Variants in BLTP3A observed in about 807,000 individuals in gnomAD.
BLTP3A encodes bridge-like lipid transfer protein family member 3A.
the BLTP3A span, among the ~76,000 whole-genome samples, chr6:34,792,987 A>G: frequency 2.6e-5 from 4 of 152,122 alleles, no homozygotes; most frequent in Non-Finnish European, 4.4e-5. Context: ...TTTTCATTAC[A>G]TAGCCTAATT....
the BLTP3A span, among the ~76,000 whole-genome samples, chr6:34,847,650 T>C: frequency 6.6e-6 from 1 of 151,986 alleles, no homozygotes; most frequent in Non-Finnish European, 1.5e-5. Context: ...TCTCCTTTTT[T>C]GTCTCTGATT....
chr6:34,823,316 A>T, the BLTP3A span: 8 of 1,614,060 alleles, frequency 5.0e-6, no homozygotes, highest in Non-Finnish European at 6.8e-6. Context: ...CCCCCAATGG[A>T]CAGTCTCCCA....
the BLTP3A span, chr6:34,857,025 A>G: frequency 6.9e-7 from 1 of 1,445,478 alleles, no homozygotes; most frequent in Non-Finnish European, 9.4e-7. Context: ...TTTGGGGACT[A>G]TTTACCTCAC....
At chr6:34,831,827 T>A in the BLTP3A span, among the ~76,000 whole-genome samples, 1 of 152,314 alleles carries the variant, frequency 6.6e-6, no homozygotes, top group Admixed American at 6.5e-5. Context: ...TCATTTTCTT[T>A]TCTTTTGAGA....
chr6:34,793,975 A>G, the BLTP3A span, among the ~76,000 whole-genome samples: 1 of 152,128 alleles, frequency 6.6e-6, no homozygotes, highest in African/African-American at 2.4e-5. Flanking sequence ...AGCCCAGCCA[A>G]CATGATGAAA....
At chr6:34,873,046 A>G in the BLTP3A span, 1 of 152,282 alleles carries the variant, frequency 6.6e-6, no homozygotes, top group African/African-American at 2.4e-5. Context: ...AATTTGGCTG[A>G]TAACACAATC....
the BLTP3A span, among the ~76,000 whole-genome samples, chr6:34,796,282 A>G: frequency 6.6e-6 from 1 of 152,184 alleles, no homozygotes; most frequent in Non-Finnish European, 1.5e-5. Flanking sequence ...TCTTGTTGGA[A>G]TGCACCCTCC....
At chr6:34,869,612 T>C in the BLTP3A span, among the ~76,000 whole-genome samples, 2 of 150,938 alleles carry the variant, frequency 1.3e-5, no homozygotes, top group Admixed American at 6.6e-5. Flanking sequence ...TTTTCATTAC[T>C]ATATAATGTT....
chr6:34,830,148 G>A, the BLTP3A span, among the ~76,000 whole-genome samples: 1 of 152,016 alleles, frequency 6.6e-6, no homozygotes, highest in African/African-American at 2.4e-5. Context: ...AGCGAGACAG[G>A]GTTTTGCCAT....
At chr6:34,817,623 T>G in the BLTP3A span, among the ~76,000 whole-genome samples, 1 of 152,166 alleles carries the variant, frequency 6.6e-6, no homozygotes, top group East Asian at 1.9e-4. Flanking sequence ...GGGAGTGACA[T>G]GAATGGGCCC....
the BLTP3A span, among the ~76,000 whole-genome samples, chr6:34,819,568 G>T: frequency 6.6e-6 from 1 of 152,116 alleles, no homozygotes. Context: ...AGCAGGGGTG[G>T]TTATATTATG....
At chr6:34,869,158 C>T in the BLTP3A span, among the ~76,000 whole-genome samples, 4 of 151,978 alleles carry the variant, frequency 2.6e-5, no homozygotes, top group East Asian at 1.9e-4. Context: ...CACACCACCA[C>T]GCCCAGCTTA....
the BLTP3A span, among the ~76,000 whole-genome samples, chr6:34,820,814 A>ATTTTTTT: frequency 3.5e-4 from 36 of 102,798 alleles, 2 homozygotes; most frequent in African/African-American, 1.4e-3. Context: ...ACCATGCCTA[A>ATTTTTTT]TTTTTTTTTT....
the BLTP3A span, among the ~76,000 whole-genome samples, chr6:34,812,400 C>T: frequency 6.6e-6 from 1 of 151,078 alleles, no homozygotes; most frequent in Non-Finnish European, 1.5e-5. Context: ...GTTAAAAAAC[C>T]CAACATTGTA....
chr6:34,813,754 A>G, the BLTP3A span, among the ~76,000 whole-genome samples: 3 of 152,216 alleles, frequency 2.0e-5, no homozygotes, highest in Admixed American at 2.0e-4. Flanking sequence ...ATCTGGTTGC[A>G]GTTTGTGAAT....
chr6:34,824,528 A>G, the BLTP3A span, among the ~76,000 whole-genome samples: 242 of 145,182 alleles, frequency 1.7e-3, 1 homozygote, highest in African/African-American at 5.9e-3. Context: ...ATTGCACTCC[A>G]GCTTGGGCAA....
chr6:34,816,734 G>A, the BLTP3A span, among the ~76,000 whole-genome samples: 536 of 152,270 alleles, frequency 3.5e-3, 4 homozygotes, highest in Non-Finnish European at 3.5e-3. Flanking sequence ...CCTTGACAGT[G>A]GCTCACTTCT....
At chr6:34,805,031 C>T in the BLTP3A span, among the ~76,000 whole-genome samples, 1 of 152,136 alleles carries the variant, frequency 6.6e-6, no homozygotes, top group African/African-American at 2.4e-5. Flanking sequence ...CAGTGGCTCA[C>T]ACCTGTAATC....
the BLTP3A span, among the ~76,000 whole-genome samples, chr6:34,795,126 T>A: frequency 2.2e-5 from 3 of 137,422 alleles, no homozygotes; most frequent in African/African-American, 8.2e-5. Context: ...GCTTTGTGCC[T>A]AGGCTGGAGT....
Sources: allele counts gnomAD v4.1 joint callset (sites outside exome capture counted in the v4.1 genomes callset), GRCh38; gene constraint gnomAD v4.1.1; transcripts MANE v1.5; gene names NCBI Gene and HGNC (gene_info 2026-07-23, HGNC 2026-07-21).